NIM1K: variants seen among roughly 807,000 people sequenced by gnomAD.
NIM1K encodes serine/threonine-protein kinase NIM1.
Under a neutral mutation model 37.1 loss-of-function variants are expected in NIM1K, and 35 were observed. The observed-to-expected ratio is 0.94, with a 90% CI of 0.72 to 1.25. The LOEUF (loss-of-function observed/expected upper bound fraction) is 1.25, where lower values mean the gene tolerates loss of function less well. Ranked by LOEUF, NIM1K falls within the 50% of genes most tolerant of loss-of-function variation. NIM1K has a pLI of 0.00. For missense variants in NIM1K, 564 were observed against 548.0 expected, an observed-to-expected ratio of 1.03 and a Z score of -0.29; for synonymous variants, 234 against 206.6, an observed-to-expected ratio of 1.13 and a Z score of -1.14.
At chr5:43,265,564 A>G (rs113754091) in intron 2 of NIM1K, among the ~76,000 whole-genome samples, 4,888 of 152,222 alleles carry the variant, frequency 0.032, 296 homozygotes, top group African/African-American at 0.11. Flanking sequence ...GGGTTCGAAC[A>G]TCCTCCTTTA....
rs1388481898 is a variant in NIM1K, at chr5:43,256,983, C to T, written c.292+10916C>T. Among the ~76,000 whole-genome samples, 6 of 152,244 alleles carry T rather than the reference C, an allele frequency of 3.9e-5. No homozygotes were observed. The South Asian group carries it at 6.2e-4, about 16-fold the overall frequency. Reference sequence around the variant, plus strand: ...GGCTCTGTCCGAACCCAAACTAAGACGACACCCAAGTGAGCAGGGTATTTA... The same window carrying T: ...GGCTCTGTCCGAACCCAAACTAAGATGACACCCAAGTGAGCAGGGTATTTA... On this transcript the variant is annotated intron_variant, in intron 2 of 3. Transcript: ENST00000326035.
intron 1 of NIM1K, among the ~76,000 whole-genome samples, chr5:43,218,313 C>T (rs1276636332): frequency 6.6e-6 from 1 of 152,094 alleles, no homozygotes; most frequent in South Asian, 2.1e-4. Context: ...GCCCGGCCTC[C>T]TCTGTCTATT....
chr5:43,270,568 A>G (rs891121006), intron 2 of NIM1K, among the ~76,000 whole-genome samples: 5 of 152,170 alleles, frequency 3.3e-5, no homozygotes, highest in Admixed American at 6.5e-5. Context: ...GATGAGAGAA[A>G]AGAAGCCATG....
intron 1 of NIM1K, among the ~76,000 whole-genome samples, chr5:43,233,360 C>T (rs1023458759): frequency 6.6e-6 from 1 of 151,796 alleles, no homozygotes; most frequent in Non-Finnish European, 1.5e-5. Context: ...ACAACTGCCA[C>T]CTCTCACTTA....
chr5:43,223,780 TG>T lies in NIM1K; in HGVS notation c.-694-21301del, dbSNP rs145044907. Among the ~76,000 whole-genome samples the T allele has an allele frequency of 5.3e-3, 801 of 152,364 alleles. 4 individuals are homozygous for T. Among genetic ancestry groups the T allele is most frequent in the Middle Eastern group, 0.014 (4 of 294 alleles). Reference sequence around the variant, plus strand: ...ATAATTCAGAGGGCAGGAAAGCAGCTGCTTTTGTTTCAAATTAGGTTGATAT... The same window carrying T: ...ATAATTCAGAGGGCAGGAAAGCAGCTCTTTTGTTTCAAATTAGGTTGATAT... On this transcript the variant is annotated intron_variant, in intron 1 of 3. Coordinates refer to ENST00000326035, the MANE Select transcript of NIM1K (RefSeq NM_153361.4).
chr5:43,267,207 A>G (rs1753177576), intron 2 of NIM1K, among the ~76,000 whole-genome samples: 1 of 152,160 alleles, frequency 6.6e-6, no homozygotes. Context: ...AATTTCCAGG[A>G]ATTTATCCAT....
At chr5:43,261,743 G>A (rs1200632983) in intron 2 of NIM1K, among the ~76,000 whole-genome samples, 1 of 152,086 alleles carries the variant, frequency 6.6e-6, no homozygotes, top group Non-Finnish European at 1.5e-5. Flanking sequence ...ATAGTTTTAG[G>A]TCTAACATTT....
intron 2 of NIM1K, among the ~76,000 whole-genome samples, chr5:43,264,317 C>A (rs116303985): frequency 1.3e-5 from 2 of 152,200 alleles, no homozygotes; most frequent in Admixed American, 1.3e-4. Flanking sequence ...TTATTGGATG[C>A]GTATATGTTT....
At chr5:43,214,714 G>T (rs1392096679) in intron 1 of NIM1K, among the ~76,000 whole-genome samples, 1 of 151,170 alleles carries the variant, frequency 6.6e-6, no homozygotes, top group Non-Finnish European at 1.5e-5. Context: ...TACTCGGGAG[G>T]CTGAGGCAGG....
rs1391383017 is a variant in NIM1K, at chr5:43,279,946, TA to T, written c.562-29del. The T allele has an allele frequency of 3.2e-6, 5 of 1,557,972 alleles. No individual in the cohort carries two copies. In the Admixed American group the frequency reaches 5.3e-5, roughly 17 times the overall value. On this transcript the variant is annotated intron_variant, in intron 3 of 3. Coordinates refer to ENST00000326035, the MANE Select transcript of NIM1K (RefSeq NM_153361.4). ...CATTTTTTATTTTGACATTTTACTG[TA>T]AAAATGACTTTTCTCTATGTCTTCT... is the stretch of plus-strand genomic sequence containing the variant.
At chr5:43,265,470 G>T (rs933989703) in intron 2 of NIM1K, among the ~76,000 whole-genome samples, 1 of 152,106 alleles carries the variant, frequency 6.6e-6, no homozygotes, top group Non-Finnish European at 1.5e-5. Flanking sequence ...AGCTCCATCA[G>T]GTCATTTAAG....
At chr5:43,235,340 C>G (rs896019049) in intron 1 of NIM1K, among the ~76,000 whole-genome samples, 1 of 152,192 alleles carries the variant, frequency 6.6e-6, no homozygotes, top group African/African-American at 2.4e-5. Flanking sequence ...CAATTTCATA[C>G]AAGTTCATAA....
chr5:43,240,769 T>TGAGG (rs1752688781), intron 1 of NIM1K, among the ~76,000 whole-genome samples: 1 of 151,840 alleles, frequency 6.6e-6, no homozygotes, highest in African/African-American at 2.4e-5. Flanking sequence ...ACTCCTGACC[T>TGAGG]CAAATGATCC....
At chr5:43,222,494 C>T (rs1752394473) in intron 1 of NIM1K, among the ~76,000 whole-genome samples, 7 of 151,806 alleles carry the variant, frequency 4.6e-5, no homozygotes, top group South Asian at 4.2e-4. Context: ...TTTGGGAGGC[C>T]GCAGTGGGAG....
At chr5:43,265,765 C>A (rs536010863) in intron 2 of NIM1K, among the ~76,000 whole-genome samples, 1 of 152,228 alleles carries the variant, frequency 6.6e-6, no homozygotes, top group South Asian at 2.1e-4. Flanking sequence ...TTTTATCTAC[C>A]TTTGGTCTTT....
chr5:43,253,894 C>T (rs1446359603), intron 2 of NIM1K, among the ~76,000 whole-genome samples: 3 of 152,082 alleles, frequency 2.0e-5, no homozygotes, highest in African/African-American at 7.2e-5. Flanking sequence ...AATTCCTGAC[C>T]TCGTGATCCG....
chr5:43,196,540 C>CAGG (rs1751918707), intron 1 of NIM1K, among the ~76,000 whole-genome samples: 1 of 151,824 alleles, frequency 6.6e-6, no homozygotes, highest in Non-Finnish European at 1.5e-5. Context: ...GAGGCTGAGG[C>CAGG]AGGAGAATGG....
chr5:43,261,425 T>C (rs1445923789), intron 2 of NIM1K, among the ~76,000 whole-genome samples: 11 of 152,198 alleles, frequency 7.2e-5, no homozygotes, highest in Non-Finnish European at 1.3e-4. Flanking sequence ...AGTGTCTGTT[T>C]ATATCCTTTG....
intron 2 of NIM1K, among the ~76,000 whole-genome samples, chr5:43,268,768 G>A (rs1186661782): frequency 6.6e-6 from 1 of 152,068 alleles, no homozygotes; most frequent in Non-Finnish European, 1.5e-5. Flanking sequence ...TGAGTTTTGG[G>A]AAAGATTATT....
Sources: allele counts gnomAD v4.1 joint callset (sites outside exome capture counted in the v4.1 genomes callset), GRCh38; gene constraint gnomAD v4.1.1; transcripts MANE v1.5; gene names NCBI Gene and HGNC (gene_info 2026-07-23, HGNC 2026-07-21).